The following PTPRM variants were observed in gnomAD, a reference collection of about 807,000 sequenced individuals.
The protein encoded by PTPRM is receptor-type tyrosine-protein phosphatase mu.
A neutral mutation model predicts 186.7 loss-of-function variants in PTPRM; 47 were observed. That is an observed-to-expected ratio of 0.25 (90% CI 0.20 to 0.32). The LOEUF (loss-of-function observed/expected upper bound fraction) is 0.32, where lower values mean the gene tolerates loss of function less well. PTPRM is among the 10% of genes least tolerant of loss of function. The pLI, the probability that PTPRM is intolerant of heterozygous loss-of-function variation, is 1.00. For missense variants in PTPRM, 1,494 were observed against 1,865.0 expected (o/e 0.80, Z 3.66); for synonymous variants, 668 against 674.9 (o/e 0.99, Z 0.16).
intron 7 of PTPRM, among the ~76,000 whole-genome samples, chr18:7,997,132 T>C (rs1342717762): frequency 1.3e-5 from 2 of 152,104 alleles, no homozygotes; most frequent in Admixed American, 1.3e-4. Context: ...ACTACCTGAT[T>C]TGACAATATG....
chr18:8,023,873 C>CGA, intron 7 of PTPRM, among the ~76,000 whole-genome samples: 1 of 151,448 alleles, frequency 6.6e-6, no homozygotes. Flanking sequence ...CACACACACG[C>CGA]ACACCCCTCC....
In PTPRM at chr18:8,319,171, T is replaced by C; in HGVS notation, c.2920-7T>C. 2.0e-6 allele frequency: 3 copies of C among 1,522,066 alleles called. No homozygotes were observed. Among genetic ancestry groups the C allele is most frequent in the Non-Finnish European group, 2.7e-6 (3 of 1,101,596 alleles). The allele number at this position is 1,522,066 out of a possible 1,614,324, so 94.3% of individuals were successfully genotyped here. Reference sequence around the variant, plus strand: ...TTTATCAAATATTCTCTTTTATTTATTTTTAGGGTTATCATCGACCCAATC... The same window carrying C: ...TTTATCAAATATTCTCTTTTATTTACTTTTAGGGTTATCATCGACCCAATC... On this transcript the variant is annotated splice_polypyrimidine_tract_variant and splice_region_variant and intron_variant, in intron 21 of 32. Transcript: ENST00000580170.
intron 1 of PTPRM, among the ~76,000 whole-genome samples, chr18:7,587,465 T>C (rs1286884868): frequency 6.6e-6 from 1 of 152,034 alleles, no homozygotes; most frequent in African/African-American, 2.4e-5. Flanking sequence ...GACAGTTTGA[T>C]TAAGCTCATT....
intron 4 of PTPRM, among the ~76,000 whole-genome samples, chr18:7,908,392 A>G (rs2050103079): frequency 6.6e-6 from 1 of 152,158 alleles, no homozygotes; most frequent in South Asian, 2.1e-4. Flanking sequence ...TTATATCTAC[A>G]ATAATAAAAA....
intron 14 of PTPRM, among the ~76,000 whole-genome samples, chr18:8,220,227 G>A (rs1298892147): frequency 2.0e-5 from 3 of 152,176 alleles, no homozygotes; most frequent in Non-Finnish European, 4.4e-5. Context: ...AGACCAAGAA[G>A]ATGTGGAAAC....
At chr18:8,046,988 T>A (rs1043899656) in intron 7 of PTPRM, among the ~76,000 whole-genome samples, 2 of 152,180 alleles carry the variant, frequency 1.3e-5, no homozygotes, top group East Asian at 3.9e-4. Context: ...AAGTGACCAC[T>A]AGACCAAATA....
rs562582167 is a variant in PTPRM, at chr18:8,392,431, T to C, written c.4209-2045T>C. Among the ~76,000 whole-genome samples, 179 of 152,180 alleles carry C rather than the reference T, an allele frequency of 1.2e-3. 1 individual carries two copies. Among genetic ancestry groups the C allele is most frequent in the African/African-American group, 3.9e-3 (160 of 41,512 alleles). On this transcript the variant is annotated intron_variant, in intron 31 of 32. Transcript: ENST00000580170. Reference sequence around the variant, plus strand: ...CTAGGTCAGGAGATTGAGACTATCCTGGCTAACACGGTGAAACCCCATCTC... The same window carrying C: ...CTAGGTCAGGAGATTGAGACTATCCCGGCTAACACGGTGAAACCCCATCTC...
chr18:8,132,802 A>G (rs2092544656), intron 13 of PTPRM, among the ~76,000 whole-genome samples: 2 of 152,294 alleles, frequency 1.3e-5, no homozygotes, highest in South Asian at 4.1e-4. Context: ...TGCTGAAGAT[A>G]TAACGTTTTG....
intron 22 of PTPRM, among the ~76,000 whole-genome samples, chr18:8,334,946 C>T (rs889274963): frequency 5.3e-5 from 8 of 152,220 alleles, no homozygotes; most frequent in African/African-American, 1.9e-4. Flanking sequence ...GCTGAGCCCA[C>T]ACCTGATCAA....
intron 19 of PTPRM, among the ~76,000 whole-genome samples, chr18:8,262,100 C>T (rs144765587): frequency 5.3e-5 from 8 of 152,238 alleles, no homozygotes; most frequent in African/African-American, 1.9e-4. Flanking sequence ...GTTGCCATTG[C>T]CCCTGCCGCT....
chr18:7,706,601 C>CAAAAAAAAAAAAAAAAAAAAAAA (rs766639399), intron 1 of PTPRM, among the ~76,000 whole-genome samples: 1 of 16,132 alleles, frequency 6.2e-5, no homozygotes, highest in Non-Finnish European at 1.3e-4. Flanking sequence ...GACCTTGTCT[C>CAAAAAAAAAAAAAAAAAAAAAAA]AAAAAAAAAA....
At chr18:7,815,340 A>G (rs923891208) in intron 2 of PTPRM, 10 of 152,230 alleles carry the variant, frequency 6.6e-5, no homozygotes, top group African/African-American at 2.4e-4. Context: ...TCTTTGTCCT[A>G]GTAATTGGCC....
At chr18:8,162,073 A>C (rs2093240426) in intron 14 of PTPRM, among the ~76,000 whole-genome samples, 1 of 151,004 alleles carries the variant, frequency 6.6e-6, no homozygotes. Flanking sequence ...TTCTCATAAG[A>C]CTACAGTTAA....
intron 32 of PTPRM, chr18:8,399,719 C>T (rs2095862291): frequency 6.6e-6 from 1 of 152,190 alleles, no homozygotes; most frequent in Non-Finnish European, 1.5e-5. Context: ...ATCCCTCCTC[C>T]CAGCTCCAAG....
chr18:8,119,064 A>C (rs918712037), intron 13 of PTPRM, among the ~76,000 whole-genome samples: 2 of 152,012 alleles, frequency 1.3e-5, no homozygotes, highest in African/African-American at 2.4e-5. Context: ...AAGAAAACAA[A>C]GCATTTTTCA....
chr18:8,242,769 GT>G (rs1264742397), intron 14 of PTPRM, among the ~76,000 whole-genome samples: 1 of 152,162 alleles, frequency 6.6e-6, no homozygotes, highest in Non-Finnish European at 1.5e-5. Context: ...TTTAGAAATG[GT>G]AATAAAGATT....
At chr18:7,766,321 TATTAGAATACAAGA>T (rs58163425) in intron 1 of PTPRM, among the ~76,000 whole-genome samples, 2,830 of 152,192 alleles carry the variant, frequency 0.019, 80 homozygotes, top group African/African-American at 0.063. Flanking sequence ...CTGTAACGGG[TATTAGAATACAAGA>T]GATGGGTTAG....
intron 2 of PTPRM, among the ~76,000 whole-genome samples, chr18:7,862,006 G>A (rs1340267072): frequency 1.3e-5 from 2 of 151,876 alleles, no homozygotes; most frequent in African/African-American, 4.9e-5. Context: ...CATAAGGGAC[G>A]AGGAATCACA....
chr18:8,318,422 A>G (rs541085922), intron 21 of PTPRM, among the ~76,000 whole-genome samples: 53 of 150,458 alleles, frequency 3.5e-4, no homozygotes, highest in African/African-American at 1.1e-3. Context: ...TCAGTCCCCA[A>G]AGTAGGTGGG....
Sources: gnomAD v4.1 joint callset for allele counts (sites outside exome capture counted in the v4.1 genomes callset) on GRCh38, gnomAD v4.1.1 for gene constraint, MANE v1.5 for transcripts, NCBI Gene and HGNC (gene_info 2026-07-23, HGNC 2026-07-21) for gene names.